KYNU: variants seen among roughly 807,000 people sequenced by gnomAD.
The protein encoded by KYNU is L-kynurenine hydrolase.
A neutral mutation model predicts 59.2 loss-of-function variants in KYNU; 54 were observed. The observed-to-expected ratio is 0.91, with a 90% confidence interval of 0.73 to 1.14. KYNU has a LOEUF of 1.14. KYNU is among the 50% of genes most tolerant of loss of function. The pLI is 0.00. For missense variants in KYNU, 567 were observed against 554.4 expected, an observed-to-expected ratio of 1.02 and a Z score of -0.23; for synonymous variants, 177 against 192.0, an observed-to-expected ratio of 0.92 and a Z score of 0.65.
intron 4 of KYNU, chr2:142,954,067 G>A (rs1415755630): frequency 6.6e-6 from 1 of 151,998 alleles, no homozygotes; most frequent in African/African-American, 2.4e-5. Context: ...AAACATGGAA[G>A]GTATTATTAT....
rs1280152497 is a variant in KYNU at position 143,050,078 on chromosome 2, ATAAAATCTATTTTATG to A, written c.*7927_*7942del. ...TAAAATATGAAATATATAATACAGT[ATAAAATCTATTTTATG>A]TAAAATCTATTTTATGTAAACATGA... On this transcript the variant is annotated 3_prime_UTR_variant, in exon 14 of 14. Transcript: ENST00000264170. 2.5e-4 allele frequency: 37 copies of A among 148,204 alleles called. 2 individuals are homozygous for A. In the East Asian group the frequency reaches 4.5e-3, roughly 18 times the overall value. The allele number at this position is 148,204 out of a possible 1,614,324, so 9.2% of individuals were successfully genotyped here.
chr2:142,947,087 G>A (rs1387607488), intron 4 of KYNU: 8 of 1,550,804 alleles, frequency 5.2e-6, no homozygotes, highest in African/African-American at 1.4e-5. Context: ...CAAACAATAT[G>A]TCCTTTTGTT....
At chr2:142,914,061 C>T (rs1682593801) in intron 2 of KYNU, among the ~76,000 whole-genome samples, 1 of 152,206 alleles carries the variant, frequency 6.6e-6, no homozygotes, top group Non-Finnish European at 1.5e-5. Context: ...CTCAGGGATC[C>T]AAGGCCTGTG....
intron 8 of KYNU, among the ~76,000 whole-genome samples, chr2:142,984,055 T>A (rs1291781139): frequency 1.3e-5 from 2 of 152,022 alleles, no homozygotes; most frequent in Non-Finnish European, 2.9e-5. Context: ...GTGAGAACTT[T>A]TTAGGAGTTC....
intron 4 of KYNU, among the ~76,000 whole-genome samples, chr2:142,933,963 A>C (rs896691754): frequency 6.6e-6 from 1 of 152,216 alleles, no homozygotes; most frequent in Admixed American, 6.5e-5. Flanking sequence ...GGTTTAGAAC[A>C]GAAAAATGGG....
intron 2 of KYNU, among the ~76,000 whole-genome samples, chr2:142,890,179 G>A (rs1315414027): frequency 6.6e-6 from 1 of 151,756 alleles, no homozygotes; most frequent in Non-Finnish European, 1.5e-5. Flanking sequence ...GAGGAAAAAA[G>A]GAAGATATAA....
intron 10 of KYNU, among the ~76,000 whole-genome samples, chr2:143,015,791 GGAATC>G (rs1202502425): frequency 1.8e-4 from 28 of 152,010 alleles, no homozygotes; most frequent in Admixed American, 1.8e-3. Context: ...GAGACACACT[GGAATC>G]AGTGACGTCA....
At chr2:143,020,006 T>C (rs1424455744) in intron 10 of KYNU, among the ~76,000 whole-genome samples, 1 of 152,106 alleles carries the variant, frequency 6.6e-6, no homozygotes, top group African/African-American at 2.4e-5. Flanking sequence ...TTTATTTATT[T>C]GGGTCTTCTT....
At chr2:142,903,991 C>G (rs1682198802) in intron 2 of KYNU, among the ~76,000 whole-genome samples, 1 of 152,202 alleles carries the variant, frequency 6.6e-6, no homozygotes, top group Admixed American at 6.5e-5. Flanking sequence ...CCTGTTCTGC[C>G]TGCTCCTCCT....
In KYNU at chr2:143,047,440, ATTGGTATCTATTT is replaced by A. The variant is rs2104932526; in HGVS notation, c.*5271_*5283del. On this transcript the variant is annotated 3_prime_UTR_variant, in exon 14 of 14. Transcript: ENST00000264170. ...TTGATACTGTATATACATGAATTCA[ATTGGTATCTATTT>A]TTAATATGGGAAATTTTATGCAAAT... 1 of 152,176 alleles carries A rather than the reference ATTGGTATCTATTT, an allele frequency of 6.6e-6. No individual in the cohort carries two copies. Among genetic ancestry groups the A allele is most frequent in the African/African-American group, 2.4e-5 (1 of 41,526 alleles). The allele number at this position is 152,176 out of a possible 1,614,324, so 9.4% of individuals were successfully genotyped here. A position where few individuals can be genotyped will look rare whatever the true frequency, so the allele number is the denominator to read the frequency against.
chr2:142,958,993 C>T (rs1274435028), intron 7 of KYNU, among the ~76,000 whole-genome samples: 1 of 152,026 alleles, frequency 6.6e-6, no homozygotes, highest in Non-Finnish European at 1.5e-5. Flanking sequence ...AAGTATACTT[C>T]ACTTAATAAT....
At chr2:143,030,761 T>C (rs1254411220) in intron 11 of KYNU, among the ~76,000 whole-genome samples, 1 of 147,910 alleles carries the variant, frequency 6.8e-6, no homozygotes, top group African/African-American at 2.5e-5. Flanking sequence ...ACAATGGGGT[T>C]ATTTCCTGAT....
intron 4 of KYNU, among the ~76,000 whole-genome samples, chr2:142,944,382 G>A (rs1471806554): frequency 1.3e-5 from 2 of 152,100 alleles, no homozygotes; most frequent in African/African-American, 4.8e-5. Context: ...AAAATATGAT[G>A]TTCAATAAAT....
rs142416239 is a variant in KYNU, at chr2:143,055,632, CAGGAAGGAAGGAAGGAAGGAAGGA to C, written c.*13490_*13513del. 5 of 133,204 alleles carry C rather than the reference CAGGAAGGAAGGAAGGAAGGAAGGA, an allele frequency of 3.8e-5. No homozygotes were observed. The highest frequency in any genetic ancestry group is 7.7e-5 in the Admixed American group (1 of 12,986). 8.3% of individuals were successfully genotyped at this position (133,204 alleles called of 1,614,324 possible). A position where few individuals can be genotyped will look rare whatever the true frequency, so the allele number is the denominator to read the frequency against. ...TTGAGGGTCATTAGTCATCTTACCA[CAGGAAGGAAGGAAGGAAGGAAGGA>C]AGGAAGGAAGGAAGGAAGGAAGGAA... On this transcript the variant is annotated 3_prime_UTR_variant, in exon 14 of 14. Coordinates refer to ENST00000264170, the MANE Select transcript of KYNU (RefSeq NM_003937.3).
At chr2:143,031,196 T>C (rs1326751712) in intron 11 of KYNU, among the ~76,000 whole-genome samples, 2 of 152,214 alleles carry the variant, frequency 1.3e-5, no homozygotes, top group Non-Finnish European at 2.9e-5. Context: ...ATTAGATCTG[T>C]TATTATACCA....
chr2:142,925,721 T>C (rs1302618694), intron 3 of KYNU, among the ~76,000 whole-genome samples: 2 of 152,166 alleles, frequency 1.3e-5, no homozygotes, highest in Non-Finnish European at 2.9e-5. Flanking sequence ...TCACCCATGA[T>C]GGGAGTATTT....
At chr2:142,918,870 G>C (rs1573789661) in intron 3 of KYNU, 141 bp downstream of exon 3, 16 of 938,792 alleles carry the variant, frequency 1.7e-5, no homozygotes, top group East Asian at 2.5e-5. Context: ...ATTAGTTCCA[G>C]GGCCTCCCTA....
intron 6 of KYNU, 151 bp from the exon 7 acceptor site, chr2:142,957,490 C>A: frequency 1.7e-6 from 1 of 586,470 alleles, no homozygotes; most frequent in South Asian, 2.1e-5. Flanking sequence ...TTAAGTGGTT[C>A]TTCTCTGTTG....
intron 12 of KYNU, 114 bp downstream of exon 12, chr2:143,033,435 A>C: frequency 2.4e-6 from 2 of 838,280 alleles, no homozygotes; most frequent in Non-Finnish European, 4.2e-6. Context: ...TGCACTGTGC[A>C]TGAACAAGGG....
Sources: allele counts gnomAD v4.1 joint callset (sites outside exome capture counted in the v4.1 genomes callset), GRCh38; gene constraint gnomAD v4.1.1; transcripts MANE v1.5; gene names NCBI Gene and HGNC (gene_info 2026-07-23, HGNC 2026-07-21).